GGA1: variants seen among roughly 807,000 people sequenced by gnomAD.
GGA1 encodes ADP-ribosylation factor-binding protein GGA1.
GGA1 carries 18 observed loss-of-function variants against 76.9 expected under a neutral mutation model. That is an observed-to-expected ratio of 0.23 (90% confidence interval 0.16 to 0.35). The LOEUF (loss-of-function observed/expected upper bound fraction) is 0.35, where lower values mean the gene tolerates loss of function less well. Ranked by LOEUF, GGA1 falls within the 10% of genes least tolerant of loss-of-function variation. The pLI, the probability that GGA1 is intolerant of heterozygous loss-of-function variation, is 1.00. For missense variants in GGA1, 755 were observed against 859.0 expected (o/e 0.88, Z 1.51); for synonymous variants, 342 against 354.7 (o/e 0.96, Z 0.40).
At chr22:37,608,958 G>T in intron 1 of GGA1, 55 bp downstream of exon 1, 1 of 1,334,208 alleles carries the variant, frequency 7.5e-7, no homozygotes, top group Non-Finnish European at 9.6e-7. Context: ...GGGGCACGAG[G>T]CGGGCCCCTT....
chr22:37,613,694 T>C (rs1262599448), intron 1 of GGA1, among the ~76,000 whole-genome samples: 1 of 151,582 alleles, frequency 6.6e-6, no homozygotes, highest in Non-Finnish European at 1.5e-5. Context: ...CCACCGTGCC[T>C]GGCCCCTCCT....
chr22:37,612,191 G>A lies in GGA1; in HGVS notation c.44-1999G>A, dbSNP rs150445761. ...AAAAATAAAAAAATACAGGCCGGAC[G>A]CAGTGGCTCACACCTGTAATTCCAG... On this transcript the variant is annotated intron_variant, in intron 1 of 16. Coordinates refer to ENST00000343632, the MANE Select transcript of GGA1 (RefSeq NM_013365.5). 4.0e-3 allele frequency among the ~76,000 whole-genome samples: 599 copies of A among 151,152 alleles called. 1 individual carries two copies. The highest frequency in any genetic ancestry group is 6.1e-3 in the Non-Finnish European group (411 of 67,814).
intron 7 of GGA1, among the ~76,000 whole-genome samples, chr22:37,622,566 C>T (rs975519524): frequency 1.1e-4 from 16 of 152,132 alleles, no homozygotes; most frequent in Non-Finnish European, 2.1e-4. Context: ...CAAAGGCACA[C>T]GCTACAGCGC....
At chr22:37,618,772 A>G (rs1298981308) in intron 4 of GGA1, among the ~76,000 whole-genome samples, 2 of 152,212 alleles carry the variant, frequency 1.3e-5, no homozygotes, top group Non-Finnish European at 2.9e-5. Context: ...CAGGCTGGCC[A>G]GGGGCGGGGC....
intron 1 of GGA1, among the ~76,000 whole-genome samples, chr22:37,612,230 C>T (rs1478170504): frequency 1.3e-5 from 2 of 151,242 alleles, no homozygotes; most frequent in Non-Finnish European, 2.9e-5. Flanking sequence ...TTTGGGAGGC[C>T]GAGGCAGGTG....
At position 37,614,178 on chromosome 22, in the gene GGA1, C is replaced by A; in HGVS notation, c.44-12C>A. The A allele has an allele frequency of 6.2e-7, 1 of 1,600,856 alleles. No individual in the cohort carries two copies. On this transcript the variant is annotated splice_polypyrimidine_tract_variant and intron_variant, in intron 1 of 16. Coordinates refer to ENST00000343632, the MANE Select transcript of GGA1 (RefSeq NM_013365.5). The stretch of plus-strand genomic sequence containing the variant: ...CTGCCGGGCCACAATGACCCCAGCT[C>A]TCCTCTTCCAGATAGAGCCACGAAC...
At chr22:37,611,250 T>G (rs570602807) in intron 1 of GGA1, among the ~76,000 whole-genome samples, 2 of 152,122 alleles carry the variant, frequency 1.3e-5, no homozygotes, top group Admixed American at 1.3e-4. Context: ...CTTGTGGAGC[T>G]CCTGGGACAG....
At position 37,623,848 on chromosome 22, in the gene GGA1, G is replaced by T. The variant is rs1930340766; in HGVS notation, c.832+215G>T. The T allele has an allele frequency of 3.6e-6, 2 of 549,410 alleles. No homozygotes were observed. The highest frequency in any genetic ancestry group is 6.6e-6 in the Non-Finnish European group (2 of 303,698). 34.0% of individuals were successfully genotyped at this position (549,410 alleles called of 1,614,324 possible). A position where few individuals can be genotyped will look rare whatever the true frequency, so the allele number is the denominator to read the frequency against. ...CCCTGTGGGCCAGCCCCCTTAACAG[G>T]CATCTTATTTACTACCCGCAGCTGC... On this transcript the variant is annotated intron_variant, in intron 9 of 16. Transcript: ENST00000343632. The surrounding 1 kb of genome is among the most constrained non-coding windows in gnomAD (Gnocchi z 4.6).
chr22:37,632,217 C>G lies in GGA1; in HGVS notation c.1698+52C>G. 1.9e-6 allele frequency: 3 copies of G among 1,559,954 alleles called. No homozygotes were observed. Among genetic ancestry groups the G allele is most frequent in the Non-Finnish European group, 2.6e-6 (3 of 1,139,610 alleles). ...CCTCCCTCCTCTCAAGGCAGGGTGA[C>G]ATGGAGCTGGGTGGGGAGCCACCTG... is the stretch of plus-strand genomic sequence containing the variant. On this transcript the variant is annotated intron_variant, in intron 15 of 16. Transcript: ENST00000343632. This position sits in a 1 kb window ranked among gnomAD's most constrained non-coding sequence, Gnocchi z 5.1.
rs1248122325 is a variant in GGA1, at chr22:37,632,169, A to T, written c.1698+4A>T. The T allele has an allele frequency of 1.9e-6, 3 of 1,606,634 alleles. No homozygotes were observed. The African/African-American group carries it at 4.0e-5, about 21-fold the overall frequency. On this transcript the variant is annotated splice_donor_region_variant and intron_variant, in intron 15 of 16. Coordinates refer to ENST00000343632, the MANE Select transcript of GGA1 (RefSeq NM_013365.5). The surrounding 1 kb of genome is among the most constrained non-coding windows in gnomAD (Gnocchi z 5.1). ...GTTCCAGTCAGCTGTCCCCAAGGTGACAAGCCAGTCGGACAGGGCATGCCT... is the reference window on the plus strand; with the variant it reads ...GTTCCAGTCAGCTGTCCCCAAGGTGTCAAGCCAGTCGGACAGGGCATGCCT...
rs1166671385 is a variant in GGA1 at position 37,625,128 on chromosome 22, C to T, written c.940+52C>T. 3.5e-6 allele frequency: 5 copies of T among 1,447,178 alleles called. No homozygotes were observed. Among genetic ancestry groups the T allele is most frequent in the Middle Eastern group, 2.4e-4 (1 of 4,212 alleles). The allele number at this position is 1,447,178 out of a possible 1,614,324, so 89.6% of individuals were successfully genotyped here. ...GGGCACCCATCAGGCTGGAGGGGCACAGAGAGTGCAGGGTGGTGTGCTGGT... is the reference window on the plus strand; with the variant it reads ...GGGCACCCATCAGGCTGGAGGGGCATAGAGAGTGCAGGGTGGTGTGCTGGT... On this transcript the variant is annotated intron_variant, in intron 10 of 16. Coordinates refer to ENST00000343632, the MANE Select transcript of GGA1 (RefSeq NM_013365.5). This position sits in a 1 kb window ranked among gnomAD's most constrained non-coding sequence, Gnocchi z 4.1.
rs570004716 is a variant in GGA1 at position 37,632,731 on chromosome 22, G to A, written c.*20G>A. 11 of 1,405,888 alleles carry A rather than the reference G, an allele frequency of 7.8e-6. No homozygotes were observed. The African/African-American group carries it at 9.9e-5, about 13-fold the overall frequency. 87.1% of individuals were successfully genotyped at this position (1,405,888 alleles called of 1,614,324 possible). A position where few individuals can be genotyped will look rare whatever the true frequency, so the allele number is the denominator to read the frequency against. The stretch of plus-strand genomic sequence containing the variant: ...CTCTAGAACAGAGGGGCTGGGGAGA[G>A]GAAGGGGCAGAGGGACCGGTCACTG... On this transcript the variant is annotated 3_prime_UTR_variant, in exon 17 of 17. Coordinates refer to ENST00000343632, the MANE Select transcript of GGA1 (RefSeq NM_013365.5). The surrounding 1 kb of genome is among the most constrained non-coding windows in gnomAD (Gnocchi z 5.1).
rs1568981940 is a variant in GGA1, at chr22:37,621,601, CCT to C, written c.529-12_529-11del. ...CAGGTGCTGCCCTCACGGTCACACCCCTCTGTCTCTGCAGATGCTGGCCCGCC... is the reference window on the plus strand; with the variant it reads ...CAGGTGCTGCCCTCACGGTCACACCCCTGTCTCTGCAGATGCTGGCCCGCC... On this transcript the variant is annotated splice_polypyrimidine_tract_variant and intron_variant, in intron 6 of 16. Coordinates refer to ENST00000343632, the MANE Select transcript of GGA1 (RefSeq NM_013365.5). 9 of 1,540,280 alleles carry C rather than the reference CCT, an allele frequency of 5.8e-6. No homozygotes were observed. The highest frequency in any genetic ancestry group is 4.8e-5 in the South Asian group (4 of 83,838).
chr22:37,630,829 A>G, intron 13 of GGA1, 74 bp from the exon 14 acceptor site: 4 of 1,074,600 alleles, frequency 3.7e-6, no homozygotes. Context: ...CAGCCTCCCA[A>G]AGTGTTGGAA....
chr22:37,633,371 A>C lies in GGA1; in HGVS notation c.*660A>C, dbSNP rs11543987. ...ACTGTGGGGGCTCAAGGGTAATGCC[A>C]GAGGCCCATGGCCCCAGCGAGGGGC... On this transcript the variant is annotated 3_prime_UTR_variant, in exon 17 of 17. Coordinates refer to ENST00000343632, the MANE Select transcript of GGA1 (RefSeq NM_013365.5). The C allele has an allele frequency of 6.7e-6, 1 of 150,032 alleles. No individual in the cohort carries two copies. Among genetic ancestry groups the C allele is most frequent in the Non-Finnish European group, 1.5e-5 (1 of 67,692 alleles). 9.3% of individuals were successfully genotyped at this position (150,032 alleles called of 1,614,324 possible). A position where few individuals can be genotyped will look rare whatever the true frequency, so the allele number is the denominator to read the frequency against.
At chr22:37,613,117 A>G (rs1436672695) in intron 1 of GGA1, 3 of 985,346 alleles carry the variant, frequency 3.0e-6, no homozygotes, top group Non-Finnish European at 3.6e-6. Flanking sequence ...TACCCTGGGC[A>G]GGAGTAGAGG....
At position 37,608,923 on chromosome 22, in the gene GGA1, G is replaced by A; in HGVS notation, c.43+20G>A. On this transcript the variant is annotated intron_variant, in intron 1 of 16. Transcript: ENST00000343632. The stretch of plus-strand genomic sequence containing the variant: ...GAATCAGTGAGTGTCCGGGAGGGGC[G>A]CGGGCCGGACCGGAACCGGAACCGG... 1 of 1,322,412 alleles carries A rather than the reference G, an allele frequency of 7.6e-7. No homozygotes were observed. The allele number at this position is 1,322,412 out of a possible 1,614,324, so 81.9% of individuals were successfully genotyped here. A position where few individuals can be genotyped will look rare whatever the true frequency, so the allele number is the denominator to read the frequency against.
intron 12 of GGA1, 40 bp from the exon 13 acceptor site, chr22:37,629,947 GCTGACACCTCT>G (rs1283205625): frequency 3.9e-6 from 5 of 1,273,742 alleles, no homozygotes; most frequent in Non-Finnish European, 5.4e-6. Context: ...ATCAGGTGAT[GCTGACACCTCT>G]CTAGACAGCC....
intron 2 of GGA1, 83 bp downstream of exon 2, chr22:37,614,357 AC>A (rs1928349776): frequency 1.1e-6 from 1 of 941,816 alleles, no homozygotes; most frequent in Non-Finnish European, 1.7e-6. Context: ...GTGGGTGGAG[AC>A]CCGGTTTTCA....
Sources: allele counts gnomAD v4.1 joint callset (sites outside exome capture counted in the v4.1 genomes callset), GRCh38; gene constraint gnomAD v4.1.1; non-coding constraint Gnocchi (gnomAD v3.1); transcripts MANE v1.5; gene names NCBI Gene and HGNC (gene_info 2026-07-23, HGNC 2026-07-21).